PARD3: variants seen among roughly 807,000 people sequenced by gnomAD.
The protein encoded by PARD3 is partitioning defective 3 homolog.
A neutral mutation model predicts 155.4 loss-of-function variants in PARD3; 75 were observed. The ratio of observed to expected loss-of-function variants is 0.48; its 90% CI spans 0.40 to 0.58. The LOEUF (loss-of-function observed/expected upper bound fraction) is 0.58, where lower values mean the gene tolerates loss of function less well. PARD3 is among the 20% of genes least tolerant of loss of function. PARD3 has a pLI of 0.00. For synonymous variants in PARD3, 576 were observed against 610.5 expected (o/e 0.94, Z 0.83); for missense variants, 1,642 against 1,721.7 (o/e 0.95, Z 0.82).
At chr10:34,118,599 GC>G (rs1946814282) in intron 24 of PARD3, among the ~76,000 whole-genome samples, 1 of 152,152 alleles carries the variant, frequency 6.6e-6, no homozygotes, top group Non-Finnish European at 1.5e-5. Context: ...GCCTGCCTCA[GC>G]CTCCCAAAGT....
chr10:34,120,502 G>A (rs1036636433), intron 23 of PARD3, among the ~76,000 whole-genome samples: 1 of 152,096 alleles, frequency 6.6e-6, no homozygotes, highest in Non-Finnish European at 1.5e-5. Context: ...CCTGTGAGGT[G>A]GCCATGTTGA....
intron 1 of PARD3, among the ~76,000 whole-genome samples, chr10:34,791,096 AGAT>A (rs1351679281): frequency 6.6e-6 from 1 of 152,224 alleles, no homozygotes; most frequent in Non-Finnish European, 1.5e-5. Flanking sequence ...CTATTCAGTT[AGAT>A]AATAGGAAAT....
At chr10:34,570,324 C>T (rs187840970) in intron 2 of PARD3, among the ~76,000 whole-genome samples, 1 of 152,128 alleles carries the variant, frequency 6.6e-6, no homozygotes. Context: ...GTTTTTGTTT[C>T]CATTGAGAAT....
chr10:34,314,674 G>A (rs1026399115), intron 20 of PARD3, among the ~76,000 whole-genome samples: 11 of 152,194 alleles, frequency 7.2e-5, no homozygotes, highest in Admixed American at 5.2e-4. Flanking sequence ...CCAGCATGAT[G>A]TCACTAAACA....
At chr10:34,337,242 A>T in intron 17 of PARD3, 33 bp downstream of exon 17, 1 of 1,391,746 alleles carries the variant, frequency 7.2e-7, no homozygotes, top group South Asian at 1.5e-5. Context: ...TTTAAAACTT[A>T]TTTAGATAAA....
intron 2 of PARD3, among the ~76,000 whole-genome samples, chr10:34,642,497 G>A (rs376540056): frequency 2.1e-4 from 32 of 151,904 alleles, no homozygotes; most frequent in African/African-American, 7.5e-4. Flanking sequence ...TCCACCTGGC[G>A]GAGAACTTCC....
intron 2 of PARD3, among the ~76,000 whole-genome samples, chr10:34,652,086 T>A (rs1196540815): frequency 1.3e-5 from 2 of 152,180 alleles, no homozygotes; most frequent in Non-Finnish European, 2.9e-5. Context: ...TTTGCTGTTG[T>A]TAGAGACAGG....
chr10:34,723,837 C>T (rs942384340), intron 1 of PARD3, among the ~76,000 whole-genome samples: 1 of 152,206 alleles, frequency 6.6e-6, no homozygotes, highest in African/African-American at 2.4e-5. Flanking sequence ...GATGGGGGCA[C>T]TTCTTTAGGG....
At chr10:34,773,871 A>G (rs1018751223) in intron 1 of PARD3, among the ~76,000 whole-genome samples, 2 of 152,200 alleles carry the variant, frequency 1.3e-5, no homozygotes, top group East Asian at 3.8e-4. Flanking sequence ...AAGCTTTCAT[A>G]ATATGAAAGA....
At chr10:34,284,067 A>C (rs1243957014) in intron 21 of PARD3, 68 bp downstream of exon 21, 1 of 881,124 alleles carries the variant, frequency 1.1e-6, no homozygotes, top group African/African-American at 1.7e-5. Context: ...ATTAAAAAAG[A>C]AGAAAGTAGA....
At chr10:34,119,532 TTGGGA>T (rs1946865660) in intron 24 of PARD3, 76 bp downstream of exon 24, 37 of 1,394,702 alleles carry the variant, frequency 2.7e-5, no homozygotes, top group Non-Finnish European at 3.6e-5. Context: ...CCCCAGTGAC[TTGGGA>T]AGGAGCGCGT....
intron 22 of PARD3, among the ~76,000 whole-genome samples, chr10:34,155,668 ATGTG>A (rs3039232): frequency 0.013 from 1,851 of 140,402 alleles, 20 homozygotes; most frequent in African/African-American, 0.025. Flanking sequence ...CCCTCTAAAA[ATGTG>A]TGTGTGTGTG....
intron 9 of PARD3, 107 bp downstream of exon 9, chr10:34,382,433 G>A (rs1841954549): frequency 9.5e-7 from 1 of 1,052,902 alleles, no homozygotes; most frequent in Admixed American, 2.3e-5. Flanking sequence ...TAAGACTCAG[G>A]GTGCTTTGGG....
intron 2 of PARD3, among the ~76,000 whole-genome samples, chr10:34,630,310 G>A (rs2092199555): frequency 6.6e-6 from 1 of 152,160 alleles, no homozygotes; most frequent in South Asian, 2.1e-4. Flanking sequence ...ACCCTGCCCA[G>A]ATGTGGCAGA....
intron 22 of PARD3, among the ~76,000 whole-genome samples, chr10:34,233,083 T>C (rs989814375): frequency 1.5e-5 from 2 of 134,640 alleles, no homozygotes; most frequent in Non-Finnish European, 3.1e-5. Context: ...CAATTTGGCC[T>C]TTACATTCCC....
At chr10:34,717,223 T>C (rs1353716445) in intron 1 of PARD3, among the ~76,000 whole-genome samples, 1 of 152,092 alleles carries the variant, frequency 6.6e-6, no homozygotes. Context: ...GCACAAGTCA[T>C]TTCCTCTTTG....
intron 2 of PARD3, among the ~76,000 whole-genome samples, chr10:34,547,553 T>C (rs538842562): frequency 1.1e-4 from 17 of 152,328 alleles, no homozygotes; most frequent in Non-Finnish European, 2.1e-4. Flanking sequence ...TGTAAGGAAA[T>C]GACATGTTTA....
chr10:34,714,977 T>G (rs2094498624), intron 1 of PARD3, among the ~76,000 whole-genome samples: 1 of 152,048 alleles, frequency 6.6e-6, no homozygotes, highest in Admixed American at 6.6e-5. Flanking sequence ...TCTCACCATG[T>G]TGGCCAGGAT....
rs77257394 is a variant in PARD3 at position 34,114,871 on chromosome 10, T to C, written c.3669-3309A>G. On this transcript the variant is annotated intron_variant, in intron 24 of 24. Coordinates refer to ENST00000374788, the MANE Select transcript of PARD3 (RefSeq NM_001184785.2). ...GCAACAAAATATCAATCTCCTTTCA[T>C]TGAATTTCTTTATAACCAACATATA... Among the ~76,000 whole-genome samples the C allele has an allele frequency of 2.2e-4, 34 of 152,358 alleles. No individual in the cohort carries two copies. In the East Asian group the frequency reaches 5.0e-3, roughly 22 times the overall value.
Sources: allele counts gnomAD v4.1 joint callset (sites outside exome capture counted in the v4.1 genomes callset), GRCh38; gene constraint gnomAD v4.1.1; transcripts MANE v1.5; gene names NCBI Gene and HGNC (gene_info 2026-07-23, HGNC 2026-07-21).